The following CDK14 variants were observed in gnomAD, a reference collection of about 807,000 sequenced individuals.
CDK14 encodes cyclin-dependent kinase 14.
Under a neutral mutation model 60.7 loss-of-function variants are expected in CDK14, and 34 were observed. The ratio of observed to expected loss-of-function variants is 0.56; its 90% CI spans 0.43 to 0.75. The LOEUF (loss-of-function observed/expected upper bound fraction) is 0.75, where lower values mean the gene tolerates loss of function less well. Ranked by LOEUF, CDK14 falls within the 30% of genes least tolerant of loss-of-function variation. The probability of loss-of-function intolerance (pLI) is 0.00; values close to 1 mark genes in which losing one functional copy is unlikely to be tolerated. For missense variants in CDK14, 482 were observed against 564.1 expected (o/e 0.85, Z 1.47); for synonymous variants, 197 against 203.7 (o/e 0.97, Z 0.28).
chr7:90,743,651 A>G (rs1008826874), intron 3 of CDK14, among the ~76,000 whole-genome samples: 1 of 151,632 alleles, frequency 6.6e-6, no homozygotes, highest in African/African-American at 2.4e-5. Flanking sequence ...TGTTTGATAC[A>G]TTTCAAAACT....
intron 14 of CDK14, among the ~76,000 whole-genome samples, chr7:91,187,675 C>A (rs958900447): frequency 6.6e-6 from 1 of 152,080 alleles, no homozygotes; most frequent in African/African-American, 2.4e-5. Flanking sequence ...CAGCTCTCCC[C>A]CTTGCCAGAG....
rs71104484 is a variant in CDK14 at position 90,698,067 on chromosome 7, CAAA to C, written c.124-28480_124-28478del. Reference sequence around the variant, plus strand: ...TGGGTGACAGAGCAAGACTCTGTCTCAAAAAAAAAAAAAAAAAAAAAAGAAAAA... The same window carrying C: ...TGGGTGACAGAGCAAGACTCTGTCTCAAAAAAAAAAAAAAAAAAAGAAAAA... On this transcript the variant is annotated intron_variant, in intron 2 of 14. Transcript: ENST00000380050. Among the ~76,000 whole-genome samples the C allele has an allele frequency of 1.3e-3, 101 of 75,728 alleles. No individual in the cohort carries two copies. In the South Asian group the frequency reaches 0.024, roughly 18 times the overall value. 49.7% of individuals were successfully genotyped at this position (75,728 alleles called of 152,430 possible).
At chr7:90,767,587 A>G (rs771808803) in intron 4 of CDK14, among the ~76,000 whole-genome samples, 1 of 152,082 alleles carries the variant, frequency 6.6e-6, no homozygotes, top group Non-Finnish European at 1.5e-5. Context: ...AAGGTTTTCT[A>G]TTCCTTTGCT....
chr7:91,089,642 G>A (rs1428782316), intron 12 of CDK14, among the ~76,000 whole-genome samples: 1 of 151,212 alleles, frequency 6.6e-6, no homozygotes, highest in Non-Finnish European at 1.5e-5. Context: ...TATATTTTCC[G>A]ATAGCAAAAC....
At chr7:91,074,562 C>G (rs912997659) in intron 11 of CDK14, among the ~76,000 whole-genome samples, 18 of 152,060 alleles carry the variant, frequency 1.2e-4, no homozygotes, top group African/African-American at 4.1e-4. Context: ...GAGCTCAAAT[C>G]GACACCCAAG....
At chr7:90,828,314 C>G (rs1039117871) in intron 5 of CDK14, among the ~76,000 whole-genome samples, 6 of 152,198 alleles carry the variant, frequency 3.9e-5, no homozygotes, top group Non-Finnish European at 7.3e-5. Flanking sequence ...ATTCTTCTCT[C>G]CCACCCATTG....
At chr7:90,938,628 T>A (rs1354199517) in intron 8 of CDK14, among the ~76,000 whole-genome samples, 2 of 152,210 alleles carry the variant, frequency 1.3e-5, no homozygotes, top group Non-Finnish European at 2.9e-5. Context: ...AGTGCAACAA[T>A]GAATGCTAAT....
At chr7:90,785,741 C>G (rs554879524) in intron 4 of CDK14, among the ~76,000 whole-genome samples, 4 of 133,764 alleles carry the variant, frequency 3.0e-5, no homozygotes, top group Non-Finnish European at 6.1e-5. Flanking sequence ...GAGCTGAGAT[C>G]ATGCCATTGC....
intron 5 of CDK14, among the ~76,000 whole-genome samples, chr7:90,825,416 T>G (rs1789688255): frequency 6.6e-6 from 1 of 152,200 alleles, no homozygotes; most frequent in Non-Finnish European, 1.5e-5. Flanking sequence ...TGCAAATCAT[T>G]TCTTAAAGTA....
intron 4 of CDK14, among the ~76,000 whole-genome samples, chr7:90,770,859 AC>A (rs1804758731): frequency 6.6e-6 from 1 of 152,158 alleles, no homozygotes. Context: ...TATCTCCATG[AC>A]CAAACTTTGT....
At chr7:91,101,079 A>G (rs1224149838) in intron 12 of CDK14, among the ~76,000 whole-genome samples, 2 of 152,200 alleles carry the variant, frequency 1.3e-5, no homozygotes, top group African/African-American at 2.4e-5. Flanking sequence ...TGGAGGTGTT[A>G]ACAAGAATAT....
intron 13 of CDK14, among the ~76,000 whole-genome samples, chr7:91,115,427 C>G (rs1006971440): frequency 1.3e-5 from 2 of 152,124 alleles, no homozygotes; most frequent in African/African-American, 4.8e-5. Flanking sequence ...GAGGGCCCCT[C>G]CCTTATGAGT....
intron 14 of CDK14, among the ~76,000 whole-genome samples, chr7:91,179,408 G>GCC (rs1801915180): frequency 6.6e-6 from 1 of 150,770 alleles, no homozygotes; most frequent in Non-Finnish European, 1.5e-5. Flanking sequence ...AATGCTAGAT[G>GCC]ACGAGTTAGT....
intron 2 of CDK14, among the ~76,000 whole-genome samples, chr7:90,629,755 G>A (rs1049455625): frequency 2.6e-5 from 4 of 152,120 alleles, no homozygotes; most frequent in East Asian, 3.8e-4. Context: ...GGCTGGGTGC[G>A]GTGGCTCACA....
At chr7:90,656,499 C>T (rs1475120082) in intron 2 of CDK14, among the ~76,000 whole-genome samples, 1 of 151,912 alleles carries the variant, frequency 6.6e-6, no homozygotes, top group African/African-American at 2.4e-5. Context: ...TCTGCCTCAG[C>T]CTCCTGAGTA....
intron 11 of CDK14, among the ~76,000 whole-genome samples, chr7:91,058,638 T>A (rs1306502059): frequency 6.6e-6 from 1 of 152,204 alleles, no homozygotes. Flanking sequence ...TGTCAAAGGC[T>A]TTTTCTGCAT....
rs111827756 is a variant in CDK14 at position 90,762,589 on chromosome 7, C to T, written c.464+14814C>T. 8.9e-3 allele frequency among the ~76,000 whole-genome samples: 1,358 copies of T among 152,220 alleles called. 28 individuals carry two copies. Among genetic ancestry groups the T allele is most frequent in the African/African-American group, 0.031 (1,306 of 41,538 alleles). ...GAGATTGTCAGGGTGGATAAAAAAA[C>T]AAGACCCAACTATATTTTATCTATG... On this transcript the variant is annotated intron_variant, in intron 4 of 14. Coordinates refer to ENST00000380050, the MANE Select transcript of CDK14 (RefSeq NM_001287135.2).
At chr7:91,078,131 A>G (rs1002174647) in intron 11 of CDK14, among the ~76,000 whole-genome samples, 1 of 152,142 alleles carries the variant, frequency 6.6e-6, no homozygotes, top group Non-Finnish European at 1.5e-5. Flanking sequence ...GCAATTCTAT[A>G]TTGGGGAATC....
At chr7:90,620,943 G>A (rs1217431279) in intron 2 of CDK14, among the ~76,000 whole-genome samples, 3 of 152,196 alleles carry the variant, frequency 2.0e-5, no homozygotes. Flanking sequence ...CTATGACCAC[G>A]TGTTACTGGA....
Sources: allele counts gnomAD v4.1 joint callset (sites outside exome capture counted in the v4.1 genomes callset), GRCh38; gene constraint gnomAD v4.1.1; transcripts MANE v1.5; gene names NCBI Gene and HGNC (gene_info 2026-07-23, HGNC 2026-07-21).